CABP1: variants seen among roughly 807,000 people sequenced by gnomAD.
CABP1 encodes calcium binding protein 1, also known as calcium-binding protein 1.
Under a neutral mutation model 34.3 loss-of-function variants are expected in CABP1, and 17 were observed. The observed-to-expected ratio is 0.50, with a 90% confidence interval of 0.34 to 0.74. The LOEUF (loss-of-function observed/expected upper bound fraction) is 0.74. CABP1 is among the 30% of genes least tolerant of loss of function. The pLI is 0.01. For synonymous variants in CABP1, 198 were observed against 229.2 expected (o/e 0.86, Z 1.23); for missense variants, 373 against 511.1 (o/e 0.73, Z 2.61).
At chr12:120,668,408 G>A (rs143665267), downstream of CABP1, among the ~76,000 whole-genome samples, 20 of 152,286 alleles carry the variant, frequency 1.3e-4, no homozygotes, top group African/African-American at 4.6e-4. Context: ...CCCAGGAGGT[G>A]GAGGCTGCAG....
At chr12:120,674,979 G>A in the CABP1 span, among the ~76,000 whole-genome samples, 1 of 151,814 alleles carries the variant, frequency 6.6e-6, no homozygotes, top group Non-Finnish European at 1.5e-5. Context: ...AGGGAGTTAA[G>A]GGATGTACAT....
intron 5 of CABP1, among the ~76,000 whole-genome samples, chr12:120,663,308 T>C (rs1880771978): frequency 6.6e-6 from 1 of 152,094 alleles, no homozygotes; most frequent in South Asian, 2.1e-4. Flanking sequence ...AGGGTCTTGC[T>C]CTGTCGCCCA....
the CABP1 span, among the ~76,000 whole-genome samples, chr12:120,680,417 G>A: frequency 5.9e-5 from 9 of 152,256 alleles, no homozygotes; most frequent in South Asian, 2.1e-4. Context: ...TTACTCTAAC[G>A]AGGGCAAGTC....
At chr12:120,665,030 C>T (rs944493629) in intron 5 of CABP1, among the ~76,000 whole-genome samples, 1 of 136,460 alleles carries the variant, frequency 7.3e-6, no homozygotes, top group African/African-American at 2.8e-5. Context: ...CTGGAAAAGG[C>T]AAAACTATGG....
intron 5 of CABP1, among the ~76,000 whole-genome samples, chr12:120,666,203 T>A (rs1172142850): frequency 1.0e-4 from 11 of 107,022 alleles, no homozygotes; most frequent in South Asian, 6.3e-4. Context: ...GTCTCTACAT[T>A]AAAAAAAAAA....
intron 1 of CABP1, among the ~76,000 whole-genome samples, chr12:120,648,773 C>T (rs1230743813): frequency 2.6e-5 from 4 of 151,760 alleles, no homozygotes; most frequent in Non-Finnish European, 4.4e-5. Context: ...CCTAGCTACT[C>T]GGGAGGCTGA....
At chr12:120,650,756 A>G in intron 1 of CABP1, 1 of 1,498,072 alleles carries the variant, frequency 6.7e-7, no homozygotes, top group Non-Finnish European at 9.3e-7. Flanking sequence ...GAGGTTGGGC[A>G]CAGAAAGGGT....
downstream of CABP1, among the ~76,000 whole-genome samples, chr12:120,672,188 C>G (rs995249735): frequency 6.6e-6 from 1 of 152,090 alleles, no homozygotes; most frequent in Admixed American, 6.6e-5. Context: ...GCCTTGAGAT[C>G]CAGCCAGCAA....
chr12:120,650,265 C>A (rs559511002), intron 1 of CABP1: 4 of 255,206 alleles, frequency 1.6e-5, no homozygotes, highest in African/African-American at 6.7e-5. Context: ...CAGGACTGAG[C>A]GCTAATCTGA....
chr12:120,643,398 C>T (rs1234589900), intron 1 of CABP1, among the ~76,000 whole-genome samples: 2 of 152,114 alleles, frequency 1.3e-5, no homozygotes, highest in African/African-American at 2.4e-5. Flanking sequence ...CCCTTTTCTC[C>T]GTATTGAGAT....
Position 120,640,864 on chromosome 12 carries a change from C to A in CABP1, c.179C>A (p.Ser60Ter). 3 of 1,078,986 alleles carry A rather than the reference C, an allele frequency of 2.8e-6. No individual in the cohort carries two copies. Among genetic ancestry groups the A allele is most frequent in the Non-Finnish European group, 3.4e-6 (3 of 891,710 alleles). 66.8% of individuals were successfully genotyped at this position (1,078,986 alleles called of 1,614,324 possible). A position where few individuals can be genotyped will look rare whatever the true frequency, so the allele number is the denominator to read the frequency against. ...AGCGCGGGCCCCGCCGCGATGAGCT[C>A]GCACATCGCCAAAAGCGAGTCCAAG... ...HASAGPAAMS[S>*]HIAKSESKTS... The change falls in exon 1 of 6, where the codon TCG (serine) becomes TAG (stop). Residue 60 changes from serine to a stop codon, truncating the protein, a stop_gained. Coordinates refer to ENST00000316803, the MANE Select transcript of CABP1 (RefSeq NM_001033677.2). LOFTEE classifies it high-confidence loss of function. This position sits in a 1 kb window ranked among gnomAD's most constrained non-coding sequence, Gnocchi z 6.2.
rs568077035 is a variant in CABP1 at position 120,641,285 on chromosome 12, G to A, written c.600G>A (p.Glu200=). Residue 200 remains glutamate, a synonymous_variant, in exon 1 of 6, where the codon GAG becomes GAA. Transcript: ENST00000316803. This position sits in a 1 kb window ranked among gnomAD's most constrained non-coding sequence, Gnocchi z 6.7. ...ACTCCGTTCCAGCCGCCGCGTCCGA[G>A]GCGGACCCGTTCCTCCACCGGCTGC... is the stretch of plus-strand genomic sequence containing the variant. ...RGDSVPAAAS[E]ADPFLHRLRP... 1.1e-5 allele frequency: 15 copies of A among 1,324,370 alleles called. No homozygotes were observed. Among genetic ancestry groups the A allele is most frequent in the African/African-American group, 1.5e-5 (1 of 65,452 alleles). The allele number at this position is 1,324,370 out of a possible 1,614,324, so 82.0% of individuals were successfully genotyped here. A position where few individuals can be genotyped will look rare whatever the true frequency, so the allele number is the denominator to read the frequency against.
Position 120,659,943 on chromosome 12 carries a change from A to C in CABP1, c.685+35A>C, listed in dbSNP as rs758425204. ...GGCCCCTTGGGGGAAAGGACTGCCTAGCCCTCTAGGAAGGTGTGGGAAGGG... is the reference window on the plus strand; with the variant it reads ...GGCCCCTTGGGGGAAAGGACTGCCTCGCCCTCTAGGAAGGTGTGGGAAGGG... On this transcript the variant is annotated intron_variant, in intron 2 of 5. Transcript: ENST00000316803. 4 of 1,606,790 alleles carry C rather than the reference A, an allele frequency of 2.5e-6. No homozygotes were observed. In the East Asian group the frequency reaches 8.9e-5, roughly 36 times the overall value.
Position 120,660,617 on chromosome 12 carries a change from T to C in CABP1, c.830-114T>C. ...ACAGAGGGCTCTTGTTATTATTAAG[T>C]TTGTCTCTATCTGATGAGCAGGTCA... On this transcript the variant is annotated intron_variant, in intron 3 of 5. Coordinates refer to ENST00000316803, the MANE Select transcript of CABP1 (RefSeq NM_001033677.2). This position sits in a 1 kb window ranked among gnomAD's most constrained non-coding sequence, Gnocchi z 5.0. 1.3e-6 allele frequency: 1 copy of C among 783,314 alleles called. No homozygotes were observed. Among genetic ancestry groups the C allele is most frequent in the Non-Finnish European group, 2.2e-6 (1 of 452,574 alleles). The allele number at this position is 783,314 out of a possible 1,614,324, so 48.5% of individuals were successfully genotyped here. A position where few individuals can be genotyped will look rare whatever the true frequency, so the allele number is the denominator to read the frequency against.
chr12:120,654,245 G>C (rs1880024493), intron 1 of CABP1, among the ~76,000 whole-genome samples: 1 of 152,152 alleles, frequency 6.6e-6, no homozygotes, highest in Non-Finnish European at 1.5e-5. Context: ...TTCACCTCCA[G>C]CCTGAGTAGC....
At chr12:120,671,086 T>A (rs1881236286), downstream of CABP1, among the ~76,000 whole-genome samples, 1 of 152,106 alleles carries the variant, frequency 6.6e-6, no homozygotes, top group Non-Finnish European at 1.5e-5. Flanking sequence ...TGGACAGATC[T>A]ACTAGGACCT....
chr12:120,653,396 A>C (rs1007853074), intron 1 of CABP1, among the ~76,000 whole-genome samples: 3 of 152,218 alleles, frequency 2.0e-5, no homozygotes, highest in Non-Finnish European at 4.4e-5. Context: ...AGGAAGCTGG[A>C]GCACAGAGAG....
chr12:120,647,689 TCTCGAGTAGCGGCGACTGCAGGCA>T (rs1183221132), intron 1 of CABP1, among the ~76,000 whole-genome samples: 7 of 147,856 alleles, frequency 4.7e-5, no homozygotes, highest in African/African-American at 1.8e-4. Context: ...TGCCTCAGCC[TCTCGAGTAGCGGCGACTGCAGGCA>T]CCTGCCACCA....
rs567018598 is a variant in CABP1 at position 120,665,584 on chromosome 12, G to T, written c.1088-1291G>T. 2.0e-5 allele frequency among the ~76,000 whole-genome samples: 3 copies of T among 152,124 alleles called. No homozygotes were observed. In the East Asian group the frequency reaches 5.8e-4, roughly 30 times the overall value. ...AGGTGATAACGATGTGTCGGTGTCG[G>T]TTTCTCACTTACAACAAATGCACCA... On this transcript the variant is annotated intron_variant, in intron 5 of 5. Coordinates refer to ENST00000316803, the MANE Select transcript of CABP1 (RefSeq NM_001033677.2).
Sources: gnomAD v4.1 joint callset for allele counts (sites outside exome capture counted in the v4.1 genomes callset) on GRCh38, gnomAD v4.1.1 for gene constraint, Gnocchi (gnomAD v3.1) non-coding constraint, MANE v1.5 for transcripts, NCBI Gene and HGNC (gene_info 2026-07-23, HGNC 2026-07-21) for gene names.